The following TRHDE variants were observed in gnomAD, a reference collection of about 807,000 sequenced individuals.
The protein encoded by TRHDE is thyrotropin-releasing hormone-degrading ectoenzyme.
A neutral mutation model predicts 125.7 loss-of-function variants in TRHDE; 72 were observed. The observed-to-expected ratio is 0.57, with a 90% confidence interval of 0.47 to 0.70. TRHDE has a LOEUF of 0.70. Ranked by LOEUF, TRHDE falls within the 30% of genes least tolerant of loss-of-function variation. The probability of loss-of-function intolerance (pLI) is 0.00; values close to 1 mark genes in which losing one functional copy is unlikely to be tolerated. For missense variants in TRHDE, 1,110 were observed against 1,327.1 expected (o/e 0.84, Z 2.54); for synonymous variants, 509 against 509.1 (o/e 1.00, Z 0.00).
At chr12:72,352,517 A>T (rs1870627332) in intron 2 of TRHDE, among the ~76,000 whole-genome samples, 1 of 151,820 alleles carries the variant, frequency 6.6e-6, no homozygotes, top group African/African-American at 2.4e-5. Context: ...GAAGACAGTT[A>T]CTTTTGTACT....
At chr12:72,252,299 G>A (rs1215657506) in intron 2 of TRHDE, among the ~76,000 whole-genome samples, 1 of 151,956 alleles carries the variant, frequency 6.6e-6, no homozygotes, top group Admixed American at 6.6e-5. Context: ...ATTAATTTTT[G>A]TATAAGATGT....
intron 2 of TRHDE, among the ~76,000 whole-genome samples, chr12:72,354,325 A>G (rs922280296): frequency 4.0e-5 from 6 of 151,678 alleles, no homozygotes; most frequent in African/African-American, 7.2e-5. Flanking sequence ...ATAAGGAGAG[A>G]AGAGTGGTCT....
chr12:72,568,177 T>C (rs1870540300), intron 9 of TRHDE, among the ~76,000 whole-genome samples: 1 of 152,112 alleles, frequency 6.6e-6, no homozygotes, highest in East Asian at 1.9e-4. Flanking sequence ...TGTAAATGCA[T>C]GAAGCCACTG....
chr12:72,497,541 ATAT>A (rs1877972862), intron 5 of TRHDE, among the ~76,000 whole-genome samples: 1 of 152,192 alleles, frequency 6.6e-6, no homozygotes, highest in Non-Finnish European at 1.5e-5. Flanking sequence ...AAATGGCTAA[ATAT>A]TATTTTATCT....
intron 7 of TRHDE, among the ~76,000 whole-genome samples, chr12:72,544,402 C>T (rs1869308101): frequency 6.6e-6 from 1 of 151,490 alleles, no homozygotes; most frequent in Non-Finnish European, 1.5e-5. Flanking sequence ...GCTGTCAGCA[C>T]TTATCTCTGC....
chr12:72,183,806 GA>G (rs1877146639), intron 2 of TRHDE, among the ~76,000 whole-genome samples: 2 of 152,106 alleles, frequency 1.3e-5, no homozygotes, highest in South Asian at 4.1e-4. Context: ...GAGAAATAAT[GA>G]CAGTATAAAG....
intron 2 of TRHDE, among the ~76,000 whole-genome samples, chr12:72,345,130 A>G (rs1214907775): frequency 6.6e-6 from 1 of 152,146 alleles, no homozygotes; most frequent in East Asian, 1.9e-4. Context: ...AAATTGTGTA[A>G]TAGTTTTTAA....
intron 6 of TRHDE, among the ~76,000 whole-genome samples, chr12:72,502,481 T>G (rs1878197136): frequency 6.6e-6 from 1 of 152,150 alleles, no homozygotes; most frequent in African/African-American, 2.4e-5. Flanking sequence ...TTTCTGTTAT[T>G]CATTTCTTAT....
chr12:72,668,823 G>C lies in TRHDE; in HGVS notation c.*5628G>C, dbSNP rs1249937847. 1 of 151,794 alleles carries C rather than the reference G, an allele frequency of 6.6e-6. No homozygotes were observed. Among genetic ancestry groups the C allele is most frequent in the African/African-American group, 2.4e-5 (1 of 41,394 alleles). 9.4% of individuals were successfully genotyped at this position (151,794 alleles called of 1,614,324 possible). ...TGGATTCAAAACTCTGCAAACTGAAGCCTTATATAGCTCAAACTAGTCATT... is the reference window on the plus strand; with the variant it reads ...TGGATTCAAAACTCTGCAAACTGAACCCTTATATAGCTCAAACTAGTCATT... On this transcript the variant is annotated 3_prime_UTR_variant, in exon 19 of 19. Coordinates refer to ENST00000261180, the MANE Select transcript of TRHDE (RefSeq NM_013381.3).
chr12:72,342,900 G>A (rs1207916303), intron 2 of TRHDE, among the ~76,000 whole-genome samples: 2 of 152,120 alleles, frequency 1.3e-5, no homozygotes, highest in African/African-American at 2.4e-5. Context: ...AATAGCCAGT[G>A]TACAGCATTT....
intron 6 of TRHDE, among the ~76,000 whole-genome samples, chr12:72,528,025 G>A (rs1001474331): frequency 2.0e-5 from 3 of 152,054 alleles, no homozygotes; most frequent in East Asian, 1.9e-4. Context: ...AATATATATC[G>A]TTTTTTGCAT....
Position 72,478,866 on chromosome 12 carries a change from C to A in TRHDE, c.1584+5686C>A, listed in dbSNP as rs1467346277. Among the ~76,000 whole-genome samples the A allele has an allele frequency of 2.7e-5, 4 of 148,742 alleles. No homozygotes were observed. The East Asian group carries it at 5.9e-4, about 22-fold the overall frequency. Reference sequence around the variant, plus strand: ...AAAAAGAATGTCAGAGTTAAGCAGGCCTGACACTGGAATCTAACCAGTGGA... The same window carrying A: ...AAAAAGAATGTCAGAGTTAAGCAGGACTGACACTGGAATCTAACCAGTGGA... On this transcript the variant is annotated intron_variant, in intron 5 of 18. Transcript: ENST00000261180.
At chr12:72,597,762 T>TACATAC (rs1555200905) in intron 12 of TRHDE, among the ~76,000 whole-genome samples, 2,310 of 80,552 alleles carry the variant, frequency 0.029, 99 homozygotes, top group Middle Eastern at 0.04. Context: ...TATATATGCA[T>TACATAC]ACACACACAA....
intron 3 of TRHDE, among the ~76,000 whole-genome samples, chr12:72,409,163 T>C (rs761231860): frequency 1.3e-5 from 2 of 152,158 alleles, no homozygotes; most frequent in Non-Finnish European, 2.9e-5. Flanking sequence ...GAATTATCTC[T>C]AAAGGAATAG....
intron 6 of TRHDE, among the ~76,000 whole-genome samples, chr12:72,533,159 T>C (rs952141107): frequency 2.0e-5 from 3 of 152,106 alleles, no homozygotes; most frequent in East Asian, 3.8e-4. Flanking sequence ...AGTGACATTA[T>C]GATTTTAGAG....
At chr12:72,511,645 C>T (rs1878585239) in intron 6 of TRHDE, among the ~76,000 whole-genome samples, 1 of 152,142 alleles carries the variant, frequency 6.6e-6, no homozygotes, top group Non-Finnish European at 1.5e-5. Flanking sequence ...GCCTTTACCA[C>T]TTACTGGTAA....
intron 2 of TRHDE, among the ~76,000 whole-genome samples, chr12:72,302,623 G>T (rs189886136): frequency 6.6e-6 from 1 of 152,246 alleles, no homozygotes; most frequent in East Asian, 1.9e-4. Context: ...AAGCTCAGGT[G>T]ATCCGACTGC....
At chr12:72,215,602 C>T (rs2139364720) in intron 2 of TRHDE, among the ~76,000 whole-genome samples, 1 of 152,248 alleles carries the variant, frequency 6.6e-6, no homozygotes, top group Admixed American at 6.5e-5. Flanking sequence ...ATTGTCATGG[C>T]AATAGTGTAG....
chr12:72,186,263 C>T (rs991533723), intron 2 of TRHDE: 4 of 167,986 alleles, frequency 2.4e-5, no homozygotes, highest in South Asian at 3.5e-4. Flanking sequence ...CCGGGAGGAA[C>T]GCACAACTCC....
Sources: allele counts gnomAD v4.1 joint callset (sites outside exome capture counted in the v4.1 genomes callset), GRCh38; gene constraint gnomAD v4.1.1; transcripts MANE v1.5; gene names NCBI Gene and HGNC (gene_info 2026-07-23, HGNC 2026-07-21).